TSEN34: variants seen among roughly 807,000 people sequenced by gnomAD.
TSEN34 encodes tRNA splicing endonuclease subunit 34, also known as tRNA-splicing endonuclease subunit Sen34.
TSEN34 carries 25 observed loss-of-function variants against 30.2 expected under a neutral mutation model. That is an observed-to-expected ratio of 0.83 (90% confidence interval 0.60 to 1.16). TSEN34 has a LOEUF of 1.16. Among genes scored for constraint, TSEN34 ranks in the 50% most tolerant of loss-of-function variants. The probability of loss-of-function intolerance (pLI) is 0.00; values close to 1 mark genes in which losing one functional copy is unlikely to be tolerated. For missense variants in TSEN34, 475 were observed against 411.9 expected (o/e 1.15, Z -1.33); for synonymous variants, 209 against 177.4 (o/e 1.18, Z -1.41).
At chr19:54,191,056 G>T (rs1370849743), upstream of TSEN34, 8 of 1,263,476 alleles carry the variant, frequency 6.3e-6, no homozygotes, top group East Asian at 2.6e-4. Flanking sequence ...GGCAGTGCGG[G>T]CACAGAGCGG....
At chr19:54,190,343 C>T (rs1409106547), upstream of TSEN34, 6 of 1,529,238 alleles carry the variant, frequency 3.9e-6, no homozygotes, top group East Asian at 1.5e-4. Flanking sequence ...TGGGTGGCTC[C>T]ACCTCGACTG....
chr19:54,191,003 G>T, upstream of TSEN34: 1 of 1,127,226 alleles, frequency 8.9e-7, no homozygotes, highest in Non-Finnish European at 1.1e-6. Flanking sequence ...CGCCGCGCTT[G>T]CGGAGGTTTG....
rs925032271 is a variant in TSEN34, at chr19:54,193,914, T to C, written c.*552T>C. 12 of 550,226 alleles carry C rather than the reference T, an allele frequency of 2.2e-5. No individual in the cohort carries two copies. Among genetic ancestry groups the C allele is most frequent in the Non-Finnish European group, 3.5e-5 (11 of 311,612 alleles). 34.1% of individuals were successfully genotyped at this position (550,226 alleles called of 1,614,324 possible). On this transcript the variant is annotated 3_prime_UTR_variant, in exon 4 of 4. Coordinates refer to ENST00000396388, the MANE Select transcript of TSEN34 (RefSeq NM_001077446.4). ...TGCATACAAACGTTATAAATAAAAA[T>C]ATAGGCTGGGCACGATGACCCACAC...
In TSEN34 at chr19:54,193,308, G is replaced by T; in HGVS notation, c.879G>T (p.Pro293=). Residue 293 remains proline, a synonymous_variant, in exon 4 of 4, where the codon CCG becomes CCT. Coordinates refer to ENST00000396388, the MANE Select transcript of TSEN34 (RefSeq NM_001077446.4). Reference sequence around the variant, plus strand: ...GAAAGACCCTGCTCCTCTGTTCTCCGCAGCCTGATGGTAAGGTGGTCTACA... The same window carrying T: ...GAAAGACCCTGCTCCTCTGTTCTCCTCAGCCTGATGGTAAGGTGGTCTACA... ...SVRKTLLLCS[P]QPDGKVVYTS... The T allele has an allele frequency of 6.2e-7, 1 of 1,614,076 alleles. No homozygotes were observed. The highest frequency in any genetic ancestry group is 8.5e-7 in the Non-Finnish European group (1 of 1,180,010).
chr19:54,192,021 G>C (rs763978637), intron 2 of TSEN34, 57 bp downstream of exon 2: 1 of 1,613,932 alleles, frequency 6.2e-7, no homozygotes. Context: ...GATCTTTTAG[G>C]AATTTTAGCT....
upstream of TSEN34, chr19:54,190,495 C>A: frequency 1.5e-6 from 2 of 1,359,730 alleles, no homozygotes; most frequent in Non-Finnish European, 1.9e-6. Context: ...GTCCAGGGGG[C>A]GGGGCTTTCG....
Position 54,191,355 on chromosome 19 carries a change from C to G in TSEN34, c.-10C>G. The G allele has an allele frequency of 1.3e-6, 2 of 1,549,648 alleles. No individual in the cohort carries two copies. The highest frequency in any genetic ancestry group is 1.7e-6 in the Non-Finnish European group (2 of 1,146,988). On this transcript the variant is annotated 5_prime_UTR_variant, in exon 1 of 4. Transcript: ENST00000396388. ...CGGTAACTGCTTTGCCTCCCGGCTCCCGCAGGAGGATGCTGGTGGTGGAGG... is the reference window on the plus strand; with the variant it reads ...CGGTAACTGCTTTGCCTCCCGGCTCGCGCAGGAGGATGCTGGTGGTGGAGG...
upstream of TSEN34, chr19:54,190,938 G>A: frequency 2.8e-6 from 3 of 1,057,236 alleles, no homozygotes; most frequent in Non-Finnish European, 3.4e-6. Flanking sequence ...CCCGAAGGGG[G>A]ACGCCCACTT....
At chr19:54,191,658 T>C in intron 1 of TSEN34, 51 bp downstream of exon 1, 1 of 1,609,026 alleles carries the variant, frequency 6.2e-7, no homozygotes, top group Non-Finnish European at 8.5e-7. Context: ...GACCTGGGAG[T>C]CAAGTTTCCT....
Position 54,192,106 on chromosome 19 carries a change from T to A in TSEN34, c.488-10T>A. The A allele has an allele frequency of 1.2e-6, 2 of 1,614,186 alleles. No individual in the cohort carries two copies. Among genetic ancestry groups the A allele is most frequent in the East Asian group, 4.5e-5 (2 of 44,882 alleles). ...GAATTTACCAAACTCTTCTCTGTAC[T>A]CCCCACCAGGCCCCTCGTCTTCCCA... On this transcript the variant is annotated splice_polypyrimidine_tract_variant and intron_variant, in intron 2 of 3. Transcript: ENST00000396388.
At chr19:54,190,316 C>T, upstream of TSEN34, 2 of 1,486,078 alleles carry the variant, frequency 1.3e-6, no homozygotes, top group Non-Finnish European at 1.8e-6. Flanking sequence ...GCAAGGAGCG[C>T]GTGGCGCGGT....
Position 54,193,870 on chromosome 19 carries a change from T to G in TSEN34, c.*508T>G. ...TCACTAAACTTCCTTTTGAAAAGAT[T>G]TCTATGAAATTTCCCAGATGCATAC... On this transcript the variant is annotated 3_prime_UTR_variant, in exon 4 of 4. Coordinates refer to ENST00000396388, the MANE Select transcript of TSEN34 (RefSeq NM_001077446.4). 1.7e-6 allele frequency: 1 copy of G among 585,300 alleles called. No individual in the cohort carries two copies. The highest frequency in any genetic ancestry group is 3.0e-6 in the Non-Finnish European group (1 of 330,520). The allele number at this position is 585,300 out of a possible 1,614,324, so 36.3% of individuals were successfully genotyped here.
In TSEN34 at chr19:54,191,321, C is replaced by G; in HGVS notation, c.-44C>G. ...GTGCGCTGCAGCGGTCCGCGGCGCG[C>G]AGCTGTTTCGGTAACTGCTTTGCCT... On this transcript the variant is annotated 5_prime_UTR_variant, in exon 1 of 4. Transcript: ENST00000396388. 1 of 1,547,830 alleles carries G rather than the reference C, an allele frequency of 6.5e-7. No homozygotes were observed. Among genetic ancestry groups the G allele is most frequent in the Non-Finnish European group, 8.7e-7 (1 of 1,146,240 alleles).
Position 54,191,470 on chromosome 19 carries a change from C to T in TSEN34, c.106C>T (p.Leu36=), listed in dbSNP as rs1298972077. 3 of 1,549,958 alleles carry T rather than the reference C, an allele frequency of 1.9e-6. 1 individual carries two copies. Among genetic ancestry groups the T allele is most frequent in the Non-Finnish European group, 2.6e-6 (3 of 1,149,678 alleles). The stretch of plus-strand genomic sequence containing the variant: ...TGTGGGGGGCCGCACGGTAGGCGCC[C>T]TGCCCCGCGGGCCCCGCCAGAACTC... ...LGVGGRTVGA[L]PRGPRQNSRL... is the part of the protein sequence containing the mutation. The change falls in exon 1 of 4, where the codon CTG becomes TTG. Residue 36 remains leucine (L), a synonymous_variant. Transcript: ENST00000396388.
upstream of TSEN34, chr19:54,191,103 C>G: frequency 7.5e-7 from 1 of 1,331,374 alleles, no homozygotes; most frequent in Non-Finnish European, 9.6e-7. Context: ...GAGCGGGACC[C>G]TGGGGGCTTG....
At chr19:54,191,236 G>A (rs1176931159), upstream of TSEN34, 9 of 1,450,260 alleles carry the variant, frequency 6.2e-6, no homozygotes. Flanking sequence ...CGGCGGCTGA[G>A]CGAGGCCCCG....
At chr19:54,191,064 C>T (rs1257198054), upstream of TSEN34, 94 of 1,274,002 alleles carry the variant, frequency 7.4e-5, 1 homozygote, top group Non-Finnish European at 8.7e-5. Flanking sequence ...GGGCACAGAG[C>T]GGGTGCCGAC....
chr19:54,190,761 C>G (rs1280091392), upstream of TSEN34: 34 of 1,168,694 alleles, frequency 2.9e-5, no homozygotes, highest in Non-Finnish European at 3.6e-5. Context: ...ACTTCCTGTG[C>G]TCGGGAGGGG....
rs1313412857 is a variant in TSEN34, at chr19:54,193,169, C to T, written c.746-6C>T. 3 of 1,612,922 alleles carry T rather than the reference C, an allele frequency of 1.9e-6. No homozygotes were observed. Among genetic ancestry groups the T allele is most frequent in the Middle Eastern group, 1.9e-4 (1 of 5,356 alleles). On this transcript the variant is annotated splice_region_variant and splice_polypyrimidine_tract_variant and intron_variant, in intron 3 of 3. Transcript: ENST00000396388. ...CACTGCTTCAGTGCCTCTCTCCTTCCCCCAGGTGACCCCCTCCGCTTCCAC... is the reference window on the plus strand; with the variant it reads ...CACTGCTTCAGTGCCTCTCTCCTTCTCCCAGGTGACCCCCTCCGCTTCCAC...
Sources: allele counts gnomAD v4.1 joint callset, GRCh38; gene constraint gnomAD v4.1.1; transcripts MANE v1.5; gene names NCBI Gene and HGNC (gene_info 2026-07-23, HGNC 2026-07-21).